The following CNTNAP2 variants were observed in gnomAD, a reference collection of about 807,000 sequenced individuals.
CNTNAP2 encodes the protein contactin-associated protein-like 2.
Under a neutral mutation model 155.2 loss-of-function variants are expected in CNTNAP2, and 98 were observed. That is an observed-to-expected ratio of 0.63 (90% confidence interval 0.54 to 0.75). The LOEUF is 0.75. Among genes scored for constraint, CNTNAP2 ranks in the 30% least tolerant of loss-of-function variants. The pLI, the probability that CNTNAP2 is intolerant of heterozygous loss-of-function variation, is 0.00. For synonymous variants in CNTNAP2, 651 were observed against 631.2 expected (o/e 1.03, Z -0.47); for missense variants, 1,727 against 1,688.1 (o/e 1.02, Z -0.40).
chr7:146,139,325 G>A (rs1446650528), intron 1 of CNTNAP2, among the ~76,000 whole-genome samples: 1 of 152,090 alleles, frequency 6.6e-6, no homozygotes, highest in Admixed American at 6.6e-5. Flanking sequence ...TCATTTTTAT[G>A]CTATTTTAAT....
chr7:146,876,132 A>G (rs1554403628), intron 3 of CNTNAP2, among the ~76,000 whole-genome samples: 1 of 151,868 alleles, frequency 6.6e-6, no homozygotes, highest in Non-Finnish European at 1.5e-5. Flanking sequence ...TCCAAATAAA[A>G]TAATTAAATC....
Position 146,177,262 on chromosome 7 carries a change from G to A in CNTNAP2, c.97+60289G>A, listed in dbSNP as rs139950570. Among the ~76,000 whole-genome samples, 742 of 152,236 alleles carry A rather than the reference G, an allele frequency of 4.9e-3. 5 individuals are homozygous for A. Among genetic ancestry groups the A allele is most frequent in the African/African-American group, 0.017 (700 of 41,572 alleles). ...TTTTGCTTGACTAAGTTCTTTTGCTGTATTGATTTAGTATAAGAAATTCTG... is the reference window on the plus strand; with the variant it reads ...TTTTGCTTGACTAAGTTCTTTTGCTATATTGATTTAGTATAAGAAATTCTG... On this transcript the variant is annotated intron_variant, in intron 1 of 23. Coordinates refer to ENST00000361727, the MANE Select transcript of CNTNAP2 (RefSeq NM_014141.6).
At chr7:147,522,741 C>T (rs966193778) in intron 11 of CNTNAP2, among the ~76,000 whole-genome samples, 8 of 143,980 alleles carry the variant, frequency 5.6e-5, no homozygotes, top group Admixed American at 4.3e-4. Context: ...TGTGCCCATA[C>T]TCAAACTTCA....
At chr7:148,392,248 G>A (rs548284830) in intron 22 of CNTNAP2, among the ~76,000 whole-genome samples, 32 of 152,060 alleles carry the variant, frequency 2.1e-4, no homozygotes, top group Admixed American at 1.6e-3. Context: ...TAATTTTTGT[G>A]TTTTTAGTAG....
intron 9 of CNTNAP2, among the ~76,000 whole-genome samples, chr7:147,313,175 TGA>T (rs1239076600): frequency 6.6e-6 from 1 of 151,316 alleles, no homozygotes; most frequent in Non-Finnish European, 1.5e-5. Flanking sequence ...CTTTGTCAGA[TGA>T]GCAGGTTGCA....
chr7:146,993,090 C>A (rs1427348352), intron 3 of CNTNAP2, among the ~76,000 whole-genome samples: 1 of 152,088 alleles, frequency 6.6e-6, no homozygotes, highest in South Asian at 2.1e-4. Flanking sequence ...GGCAATAGAG[C>A]ATGAGTAAAA....
chr7:146,906,796 G>C (rs1796138972), intron 3 of CNTNAP2, among the ~76,000 whole-genome samples: 1 of 151,994 alleles, frequency 6.6e-6, no homozygotes, highest in South Asian at 2.1e-4. Context: ...AACAAAGCTG[G>C]ATGGAGAATG....
chr7:146,644,306 C>G (rs2129162074), intron 1 of CNTNAP2, among the ~76,000 whole-genome samples: 1 of 152,094 alleles, frequency 6.6e-6, no homozygotes, highest in South Asian at 2.1e-4. Context: ...ATAGACAGCT[C>G]TTATTATTTT....
At chr7:146,335,807 A>T (rs1427173634) in intron 1 of CNTNAP2, among the ~76,000 whole-genome samples, 1 of 152,134 alleles carries the variant, frequency 6.6e-6, no homozygotes, top group Non-Finnish European at 1.5e-5. Flanking sequence ...GGTGTTAGAG[A>T]CTGGATACTT....
At chr7:147,103,014 G>A (rs6962089) in intron 4 of CNTNAP2, among the ~76,000 whole-genome samples, 79,966 of 151,954 alleles carry the variant, frequency 0.53, 23,644 homozygotes, top group African/African-American at 0.82. Context: ...ACCAAGATGG[G>A]TCAGCGAGAT....
chr7:147,252,865 C>G (rs995949629), intron 8 of CNTNAP2, among the ~76,000 whole-genome samples: 1 of 152,184 alleles, frequency 6.6e-6, no homozygotes, highest in African/African-American at 2.4e-5. Flanking sequence ...AAACCTGAGA[C>G]ACTGAAAGTT....
chr7:147,046,253 G>A (rs2129256278), intron 4 of CNTNAP2, among the ~76,000 whole-genome samples: 1 of 152,180 alleles, frequency 6.6e-6, no homozygotes, highest in Non-Finnish European at 1.5e-5. Context: ...CGCAACCACT[G>A]AGTAGGCCTT....
intron 1 of CNTNAP2, among the ~76,000 whole-genome samples, chr7:146,760,409 C>CTTTTTTTTTTTTTTGT (rs1802074543): frequency 1.8e-5 from 1 of 56,276 alleles, no homozygotes; most frequent in Non-Finnish European, 3.0e-5. Flanking sequence ...TCCAATTTAC[C>CTTTTTTTTTTTTTTGT]TTTTTTTTTT....
chr7:147,681,318 TAAA>T (rs1318796380), intron 13 of CNTNAP2, among the ~76,000 whole-genome samples: 17 of 152,110 alleles, frequency 1.1e-4, no homozygotes, highest in African/African-American at 3.1e-4. Context: ...CTTTAGTACT[TAAA>T]TAAATATCAT....
At position 147,147,991 on chromosome 7, in the gene CNTNAP2, T is replaced by C. The variant is rs565834425; in HGVS notation, c.1348+15482T>C. Among the ~76,000 whole-genome samples the C allele has an allele frequency of 5.6e-4, 85 of 152,256 alleles. 1 individual carries two copies. The South Asian group carries it at 0.017, about 30-fold the overall frequency. ...TCTTTCATTTTGGGTACATAATATATTAAGCACTGAGGGTATAAACAGAGT... is the reference window on the plus strand; with the variant it reads ...TCTTTCATTTTGGGTACATAATATACTAAGCACTGAGGGTATAAACAGAGT... On this transcript the variant is annotated intron_variant, in intron 8 of 23. Transcript: ENST00000361727.
chr7:147,480,182 A>G (rs2116625991), intron 10 of CNTNAP2, among the ~76,000 whole-genome samples: 1 of 152,350 alleles, frequency 6.6e-6, no homozygotes, highest in Non-Finnish European at 1.5e-5. Flanking sequence ...CTTAATAAGC[A>G]AAAATAAAAT....
At position 147,923,677 on chromosome 7, in the gene CNTNAP2, C is replaced by G. The variant is rs1036008477; in HGVS notation, c.2255+19956C>G. 5.0e-5 allele frequency among the ~76,000 whole-genome samples: 4 copies of G among 80,666 alleles called. No homozygotes were observed. In the East Asian group the frequency reaches 1.8e-3, roughly 35 times the overall value. The allele number at this position is 80,666 out of a possible 152,430, so 52.9% of individuals were successfully genotyped here. On this transcript the variant is annotated intron_variant, in intron 14 of 23. Coordinates refer to ENST00000361727, the MANE Select transcript of CNTNAP2 (RefSeq NM_014141.6). ...TATAGGCATGCACCACCATGCCCAGCTAATTAAAAAAAAAAAAAAAATTTC... is the reference window on the plus strand; with the variant it reads ...TATAGGCATGCACCACCATGCCCAGGTAATTAAAAAAAAAAAAAAAATTTC...
chr7:147,386,543 C>T (rs142550650), intron 9 of CNTNAP2, among the ~76,000 whole-genome samples: 108 of 152,258 alleles, frequency 7.1e-4, no homozygotes, highest in Non-Finnish European at 1.1e-3. Flanking sequence ...AAATGCCACC[C>T]GTCTCTGCTA....
At chr7:147,277,555 T>C (rs1382531675) in intron 8 of CNTNAP2, among the ~76,000 whole-genome samples, 1 of 151,926 alleles carries the variant, frequency 6.6e-6, no homozygotes, top group Non-Finnish European at 1.5e-5. Context: ...CAATGTTGAA[T>C]GGAGATAATT....
Sources: gnomAD v4.1 joint callset for allele counts (sites outside exome capture counted in the v4.1 genomes callset) on GRCh38, gnomAD v4.1.1 for gene constraint, MANE v1.5 for transcripts, NCBI Gene and HGNC (gene_info 2026-07-23, HGNC 2026-07-21) for gene names.